The following MTUS2 variants were observed in gnomAD, a reference collection of about 807,000 sequenced individuals.
The protein encoded by MTUS2 is microtubule associated scaffold protein 2, also known as microtubule-associated tumor suppressor candidate 2.
A neutral mutation model predicts 114.1 loss-of-function variants in MTUS2; 40 were observed. The observed-to-expected ratio is 0.35, with a 90% confidence interval of 0.27 to 0.46. The LOEUF is 0.46. Ranked by LOEUF, MTUS2 falls within the 20% of genes least tolerant of loss-of-function variation. The probability of loss-of-function intolerance (pLI) is 1.00; values close to 1 mark genes in which losing one functional copy is unlikely to be tolerated. For synonymous variants in MTUS2, 688 were observed against 672.0 expected (o/e 1.02, Z -0.37); for missense variants, 1,679 against 1,705.4 (o/e 0.98, Z 0.27).
At position 29,025,004 on chromosome 13, in the gene MTUS2, A is replaced by T. The variant is rs116440795; in HGVS notation, c.306A>T (p.Ser102=). ...GCCTGAAAGATTTTAGACTTTCTTC[A>T]ACCATTCAGAGGGAACTCAATGAAG... ...SASLKDFRLS[S]TIQRELNEEH... Residue 102 remains serine, a synonymous_variant, in exon 3 of 16, where the codon TCA becomes TCT. Transcript: ENST00000612955. 6.2e-7 allele frequency: 1 copy of T among 1,613,974 alleles called. No homozygotes were observed. Among genetic ancestry groups the T allele is most frequent in the African/African-American group, 1.3e-5 (1 of 75,048 alleles).
intron 3 of MTUS2, among the ~76,000 whole-genome samples, chr13:29,032,189 T>TTCCCC (rs1468220055): frequency 6.6e-6 from 1 of 152,130 alleles, no homozygotes; most frequent in Non-Finnish European, 1.5e-5. Flanking sequence ...AGGCGCAGTT[T>TTCCCC]TCCCCCTTTT....
intron 8 of MTUS2, among the ~76,000 whole-genome samples, chr13:29,372,557 C>T (rs1871280939): frequency 6.6e-6 from 1 of 152,126 alleles, no homozygotes; most frequent in Non-Finnish European, 1.5e-5. Context: ...GAAGAACATC[C>T]ACCATGCCCA....
At chr13:29,300,725 A>G (rs1899164794) in intron 6 of MTUS2, among the ~76,000 whole-genome samples, 2 of 152,174 alleles carry the variant, frequency 1.3e-5, no homozygotes, top group South Asian at 2.1e-4. Context: ...TGAAGACAGT[A>G]GTTCTTCATG....
At chr13:29,436,030 C>G (rs1877382018) in intron 8 of MTUS2, among the ~76,000 whole-genome samples, 1 of 152,230 alleles carries the variant, frequency 6.6e-6, no homozygotes, top group African/African-American at 2.4e-5. Context: ...CACAAAACAA[C>G]ACCCAGGACA....
chr13:29,258,528 AGGG>A lies in MTUS2; in HGVS notation c.2645-23174_2645-23172del, dbSNP rs1454742577. Reference sequence around the variant, plus strand: ...TTGGATTCTGCAGGGTGTGTCCACCAGGGGACATGGCTGTTTGGGAGACATCCT... The same window carrying A: ...TTGGATTCTGCAGGGTGTGTCCACCAGACATGGCTGTTTGGGAGACATCCT... On this transcript the variant is annotated intron_variant, in intron 5 of 15. Transcript: ENST00000612955. Among the ~76,000 whole-genome samples, 7 of 152,340 alleles carry A rather than the reference AGGG, an allele frequency of 4.6e-5. No individual in the cohort carries two copies. In the East Asian group the frequency reaches 1.3e-3, roughly 29 times the overall value.
chr13:29,117,169 C>A (rs1200260940), intron 5 of MTUS2, among the ~76,000 whole-genome samples: 1 of 152,186 alleles, frequency 6.6e-6, no homozygotes, highest in East Asian at 1.9e-4. Context: ...AAAGAATGAG[C>A]TATTTTACAA....
chr13:28,836,932 G>A (rs759277175), intron 1 of MTUS2, among the ~76,000 whole-genome samples: 29 of 152,204 alleles, frequency 1.9e-4, no homozygotes, highest in Non-Finnish European at 3.5e-4. Flanking sequence ...TTCTTGTGTT[G>A]TTACCTTGGG....
chr13:28,988,298 T>C (rs1884678249), intron 2 of MTUS2, among the ~76,000 whole-genome samples: 1 of 152,204 alleles, frequency 6.6e-6, no homozygotes, highest in Non-Finnish European at 1.5e-5. Context: ...CAGCTATTCT[T>C]TAACTTTTCT....
At chr13:29,255,434 A>G (rs763586969) in intron 5 of MTUS2, among the ~76,000 whole-genome samples, 4 of 152,180 alleles carry the variant, frequency 2.6e-5, no homozygotes, top group Non-Finnish European at 5.9e-5. Flanking sequence ...GAACTCACCC[A>G]TATTAAATAT....
In MTUS2 at chr13:29,389,472, T is replaced by G. The variant is rs551603310; in HGVS notation, c.3117+29999T>G. On this transcript the variant is annotated intron_variant, in intron 8 of 15. Coordinates refer to ENST00000612955, the MANE Select transcript of MTUS2 (RefSeq NM_001033602.4). ...GTATACACGTGTGTGTATGTGTATATGTATACACGTGTGTGTATGTGTATA... is the reference window on the plus strand; with the variant it reads ...GTATACACGTGTGTGTATGTGTATAGGTATACACGTGTGTGTATGTGTATA... 1.8e-4 allele frequency among the ~76,000 whole-genome samples: 26 copies of G among 144,332 alleles called. 1 individual carries two copies. Among genetic ancestry groups the G allele is most frequent in the African/African-American group, 6.2e-4 (24 of 38,920 alleles). 94.7% of individuals were successfully genotyped at this position (144,332 alleles called of 152,430 possible).
At chr13:28,866,322 G>A (rs1447557031) in intron 2 of MTUS2, among the ~76,000 whole-genome samples, 1 of 152,182 alleles carries the variant, frequency 6.6e-6, no homozygotes, top group Non-Finnish European at 1.5e-5. Context: ...TCTCTCTTGT[G>A]AAATTCAGGT....
chr13:29,459,182 T>C (rs549358720), intron 9 of MTUS2, among the ~76,000 whole-genome samples: 1 of 152,202 alleles, frequency 6.6e-6, no homozygotes, highest in African/African-American at 2.4e-5. Context: ...GCCATTTTGG[T>C]TAAAACTTGC....
chr13:29,186,560 C>T (rs887293547), intron 5 of MTUS2, among the ~76,000 whole-genome samples: 1 of 152,296 alleles, frequency 6.6e-6, no homozygotes. Flanking sequence ...AAAGGCTGCT[C>T]TTTCAAGAAT....
At chr13:29,310,603 A>G (rs1899710238) in intron 6 of MTUS2, among the ~76,000 whole-genome samples, 1 of 152,232 alleles carries the variant, frequency 6.6e-6, no homozygotes, top group Non-Finnish European at 1.5e-5. Flanking sequence ...ACACTCCACA[A>G]AAGTAAAAAA....
intron 1 of MTUS2, among the ~76,000 whole-genome samples, chr13:28,823,076 C>T (rs892091361): frequency 8.6e-5 from 13 of 151,852 alleles, no homozygotes; most frequent in African/African-American, 2.9e-4. Flanking sequence ...GGTTAAAGCT[C>T]TTCCTCCTCT....
In MTUS2 at chr13:29,025,033, A is replaced by G; in HGVS notation, c.335A>G (p.His112Arg). Residue 112 changes from histidine to arginine, a missense_variant, in exon 3 of 16, where the codon CAC (histidine) becomes CGC (arginine). Physicochemically the swap from His to Arg is conservative, Grantham distance 29 (BLOSUM62 0). Around this residue, in one of 3 missense-constraint regions of MTUS2, gnomAD observed 843 missense variants for 770.8 expected, o/e 1.09. Coordinates refer to ENST00000612955, the MANE Select transcript of MTUS2 (RefSeq NM_001033602.4). Reference sequence around the variant, plus strand: ...ATTCAGAGGGAACTCAATGAAGAGCACACAGTGGAGAGAGGCACAGATAGC... The same window carrying G: ...ATTCAGAGGGAACTCAATGAAGAGCGCACAGTGGAGAGAGGCACAGATAGC... ...STIQRELNEE[H>R]TVERGTDSLQ... The G allele has an allele frequency of 6.2e-7, 1 of 1,614,058 alleles. No homozygotes were observed. The highest frequency in any genetic ancestry group is 8.5e-7 in the Non-Finnish European group (1 of 1,179,908).
intron 2 of MTUS2, among the ~76,000 whole-genome samples, chr13:28,863,786 C>T (rs1032505210): frequency 2.6e-5 from 4 of 152,124 alleles, no homozygotes; most frequent in East Asian, 3.8e-4. Flanking sequence ...CAGCTTCAAA[C>T]CCCTGAGCCC....
At chr13:29,488,702 C>T (rs1302925454) in intron 11 of MTUS2, among the ~76,000 whole-genome samples, 2 of 152,174 alleles carry the variant, frequency 1.3e-5, no homozygotes, top group Admixed American at 6.5e-5. Flanking sequence ...GTTCTCCGGG[C>T]CACTGCAGCA....
chr13:29,432,044 G>A (rs1433275254), intron 8 of MTUS2, among the ~76,000 whole-genome samples: 1 of 148,262 alleles, frequency 6.7e-6, no homozygotes, highest in African/African-American at 2.5e-5. Context: ...GCAGAGCTGG[G>A]GTCTCGCTAT....
Sources: gnomAD v4.1 joint callset for allele counts (sites outside exome capture counted in the v4.1 genomes callset) on GRCh38, gnomAD v4.1.1 for gene constraint, gnomAD v4.1.1 regional missense constraint, MANE v1.5 for transcripts, NCBI Gene and HGNC (gene_info 2026-07-23, HGNC 2026-07-21) for gene names.